MTX2: variants seen among roughly 807,000 people sequenced by gnomAD.
The protein encoded by MTX2 is metaxin 2, also known as metaxin-2.
A neutral mutation model predicts 42.3 loss-of-function variants in MTX2; 35 were observed. The ratio of observed to expected loss-of-function variants is 0.83; its 90% CI spans 0.63 to 1.10. The LOEUF (loss-of-function observed/expected upper bound fraction) is 1.10, where lower values mean the gene tolerates loss of function less well. Among genes scored for constraint, MTX2 ranks in the 50% least tolerant of loss-of-function variants. MTX2 has a pLI of 0.00. For synonymous variants in MTX2, 119 were observed against 100.9 expected, an observed-to-expected ratio of 1.18 and a Z score of -1.08; for missense variants, 307 against 304.1, an observed-to-expected ratio of 1.01 and a Z score of -0.07.
chr2:176,311,351 C>T (rs557005654), intron 3 of MTX2, among the ~76,000 whole-genome samples: 67 of 152,282 alleles, frequency 4.4e-4, no homozygotes, highest in African/African-American at 1.5e-3. Flanking sequence ...TTAGGCTACA[C>T]GGGGGTCAGG....
In MTX2 at chr2:176,306,479, C is replaced by T. The variant is rs187819784; in HGVS notation, c.135+8584C>T. 8.6e-4 allele frequency among the ~76,000 whole-genome samples: 131 copies of T among 152,276 alleles called. 1 individual carries two copies. The highest frequency in any genetic ancestry group is 2.5e-3 in the South Asian group (12 of 4,820). On this transcript the variant is annotated intron_variant, in intron 3 of 9. Transcript: ENST00000249442. ...TTCTAGTTCTAGATCCTTGAGGAAT[C>T]GCCACACTGTCTTCCACAATGGTTG...
intron 3 of MTX2, among the ~76,000 whole-genome samples, chr2:176,299,808 GATT>G (rs944773003): frequency 1.3e-5 from 2 of 152,046 alleles, no homozygotes; most frequent in African/African-American, 4.8e-5. Context: ...CCACAAACTG[GATT>G]ATTTTCTAGA....
At chr2:176,328,974 A>G in intron 7 of MTX2, 62 bp downstream of exon 7, 2 of 1,382,550 alleles carry the variant, frequency 1.4e-6, no homozygotes, top group Non-Finnish European at 2.1e-6. Flanking sequence ...TTTGCTCAGA[A>G]TCGCAAGTCC....
intron 3 of MTX2, among the ~76,000 whole-genome samples, chr2:176,319,548 C>T (rs764091873): frequency 4.0e-5 from 6 of 151,362 alleles, no homozygotes; most frequent in African/African-American, 1.5e-4. Context: ...CCTGCCACCA[C>T]ATGCTGCTAA....
chr2:176,327,879 A>G (rs901943391), intron 5 of MTX2, among the ~76,000 whole-genome samples: 1 of 151,002 alleles, frequency 6.6e-6, no homozygotes, highest in Non-Finnish European at 1.5e-5. Context: ...AGAGTATTAG[A>G]ATTTTAAAAT....
chr2:176,296,840 T>C lies in MTX2; in HGVS notation c.41-20T>C. On this transcript the variant is annotated intron_variant, in intron 1 of 9. Transcript: ENST00000249442. Reference sequence around the variant, plus strand: ...TGTTTTTGCTTTATGTGCCTAATTATCACTGCCTTGTTTCCATAGCTGCAG... The same window carrying C: ...TGTTTTTGCTTTATGTGCCTAATTACCACTGCCTTGTTTCCATAGCTGCAG... 6.2e-7 allele frequency: 1 copy of C among 1,612,958 alleles called. No homozygotes were observed. The highest frequency in any genetic ancestry group is 1.7e-5 in the Admixed American group (1 of 60,008).
chr2:176,282,907 T>C (rs1018138782), intron 1 of MTX2, among the ~76,000 whole-genome samples: 1 of 152,146 alleles, frequency 6.6e-6, no homozygotes, highest in African/African-American at 2.4e-5. Flanking sequence ...TTTCACCATG[T>C]TGGTCAGGCT....
intron 3 of MTX2, among the ~76,000 whole-genome samples, chr2:176,307,617 A>C (rs1202535574): frequency 6.6e-6 from 1 of 152,106 alleles, no homozygotes; most frequent in Non-Finnish European, 1.5e-5. Context: ...GAGTTCCTTC[A>C]CATCCCTTGT....
At chr2:176,270,707 T>TC (rs756832754) in intron 1 of MTX2, among the ~76,000 whole-genome samples, 1 of 152,206 alleles carries the variant, frequency 6.6e-6, no homozygotes, top group Non-Finnish European at 1.5e-5. Flanking sequence ...AACGTACATT[T>TC]CTTTTTTTTC....
chr2:176,331,924 A>G (rs1472023385), intron 9 of MTX2, among the ~76,000 whole-genome samples: 2 of 151,272 alleles, frequency 1.3e-5, no homozygotes, highest in East Asian at 3.9e-4. Context: ...AGGAGAATAG[A>G]TCTAACTTAC....
At chr2:176,277,452 G>T (rs541864307) in intron 1 of MTX2, among the ~76,000 whole-genome samples, 6 of 152,202 alleles carry the variant, frequency 3.9e-5, no homozygotes, top group African/African-American at 1.4e-4. Flanking sequence ...GCCCAGGCTG[G>T]AGTGCAGTGG....
intron 3 of MTX2, among the ~76,000 whole-genome samples, chr2:176,305,853 TTCAC>T: frequency 6.6e-6 from 1 of 152,234 alleles, no homozygotes; most frequent in South Asian, 2.1e-4. Flanking sequence ...TGGTAATAAA[TTCAC>T]TCTCTTTAAA....
chr2:176,324,065 A>C (rs1445296824), intron 4 of MTX2, among the ~76,000 whole-genome samples: 3 of 151,636 alleles, frequency 2.0e-5, no homozygotes, highest in Non-Finnish European at 4.4e-5. Flanking sequence ...CAAAATTTTT[A>C]ATATAAAAAT....
intron 1 of MTX2, among the ~76,000 whole-genome samples, chr2:176,278,297 C>T (rs978327760): frequency 1.3e-5 from 2 of 151,510 alleles, no homozygotes; most frequent in Admixed American, 6.6e-5. Flanking sequence ...GTGATCTGCC[C>T]GCCTCAGCCT....
In MTX2 at chr2:176,328,294, G is replaced by T; in HGVS notation, c.287G>T (p.Gly96Val). 1 of 1,552,124 alleles carries T rather than the reference G, an allele frequency of 6.4e-7. No homozygotes were observed. Among genetic ancestry groups the T allele is most frequent in the Non-Finnish European group, 8.7e-7 (1 of 1,153,860 alleles). ...TAAATTTTTTTAAATTCCCTTTAGG[G>T]CCATTCTCTTAGTGATGGGCTGGAG... ...GPIVQFVKAKGHSLSDGLEEV... is the reference protein window; with the variant it reads ...GPIVQFVKAKVHSLSDGLEEV... The change falls in exon 6 of 10, where the codon GGC becomes GTC. Residue 96 changes from glycine (G) to valine (V), a missense_variant and splice_region_variant. Physicochemically the swap from Gly to Val is moderately radical, Grantham distance 109. Coordinates refer to ENST00000249442, the MANE Select transcript of MTX2 (RefSeq NM_006554.5).
At chr2:176,290,756 T>A (rs1423647794) in intron 1 of MTX2, among the ~76,000 whole-genome samples, 1 of 151,826 alleles carries the variant, frequency 6.6e-6, no homozygotes, top group Non-Finnish European at 1.5e-5. Flanking sequence ...TAGTTTTTTT[T>A]TTTTTTTTTC....
chr2:176,327,361 A>G (rs566245363), intron 5 of MTX2, among the ~76,000 whole-genome samples: 1 of 151,198 alleles, frequency 6.6e-6, no homozygotes, highest in Non-Finnish European at 1.5e-5. Context: ...AACAACTCCC[A>G]TTAGTGTTTC....
chr2:176,328,458 G>T (rs1684774123), intron 6 of MTX2, 73 bp downstream of exon 6: 1 of 983,768 alleles, frequency 1.0e-6, no homozygotes, highest in Non-Finnish European at 1.4e-6. Flanking sequence ...CTTTCTTATG[G>T]GTTAAAGTTA....
At chr2:176,283,661 T>C (rs1693130521) in intron 1 of MTX2, among the ~76,000 whole-genome samples, 1 of 152,220 alleles carries the variant, frequency 6.6e-6, no homozygotes, top group African/African-American at 2.4e-5. Context: ...AATCACATAG[T>C]AGATACTTAA....
Sources: gnomAD v4.1 joint callset for allele counts (sites outside exome capture counted in the v4.1 genomes callset) on GRCh38, gnomAD v4.1.1 for gene constraint, MANE v1.5 for transcripts, NCBI Gene and HGNC (gene_info 2026-07-23, HGNC 2026-07-21) for gene names.